ZRANB3: variants seen among roughly 807,000 people sequenced by gnomAD.
ZRANB3 encodes the protein DNA annealing helicase and endonuclease ZRANB3.
Under a neutral mutation model 133.8 loss-of-function variants are expected in ZRANB3, and 125 were observed. The ratio of observed to expected loss-of-function variants is 0.93; its 90% CI spans 0.81 to 1.08. The LOEUF (loss-of-function observed/expected upper bound fraction) is 1.08, where lower values mean the gene tolerates loss of function less well. Ranked by LOEUF, ZRANB3 falls within the 50% of genes least tolerant of loss-of-function variation. The pLI, the probability that ZRANB3 is intolerant of heterozygous loss-of-function variation, is 0.00. For missense variants in ZRANB3, 1,229 were observed against 1,275.5 expected, an observed-to-expected ratio of 0.96 and a Z score of 0.56; for synonymous variants, 387 against 432.7, an observed-to-expected ratio of 0.89 and a Z score of 1.31.
chr2:135,356,829 T>C (rs1181689578), intron 3 of ZRANB3, among the ~76,000 whole-genome samples: 1 of 151,948 alleles, frequency 6.6e-6, no homozygotes, highest in African/African-American at 2.4e-5. Flanking sequence ...CTCAGCCCCC[T>C]GGGTAGCCAG....
Position 135,197,387 on chromosome 2 carries a change from C to T in ZRANB3, c.*2955G>A, listed in dbSNP as rs537309294. The T allele has an allele frequency of 6.6e-6, 1 of 152,304 alleles. No homozygotes were observed. Among genetic ancestry groups the T allele is most frequent in the South Asian group, 2.1e-4 (1 of 4,824 alleles). The allele number at this position is 152,304 out of a possible 1,614,324, so 9.4% of individuals were successfully genotyped here. ...AAGAAACTACATTTTAAATGTTTCA[C>T]TCAAGAATCTGAAGAAGGGATTTGG... On this transcript the variant is annotated 3_prime_UTR_variant, in exon 21 of 21. Transcript: ENST00000264159.
intron 1 of ZRANB3, among the ~76,000 whole-genome samples, chr2:135,529,667 T>G (rs935654790): frequency 6.6e-6 from 1 of 151,848 alleles, no homozygotes; most frequent in African/African-American, 2.4e-5. Flanking sequence ...TGCCACCACG[T>G]CCGGCTAATG....
intron 4 of ZRANB3, 52 bp from the exon 5 acceptor site, chr2:135,350,267 ATG>A: frequency 7.4e-7 from 1 of 1,358,042 alleles, no homozygotes; most frequent in Non-Finnish European, 1.0e-6. Context: ...TGACGTTATC[ATG>A]AACAATACAA....
chr2:135,290,997 G>A (rs1681682496), intron 8 of ZRANB3, among the ~76,000 whole-genome samples: 1 of 152,066 alleles, frequency 6.6e-6, no homozygotes. Flanking sequence ...CTGCCTCCCA[G>A]AGAGGCAAGC....
chr2:135,475,830 C>A (rs2104785896), intron 2 of ZRANB3, among the ~76,000 whole-genome samples: 1 of 152,256 alleles, frequency 6.6e-6, no homozygotes, highest in East Asian at 1.9e-4. Context: ...GTAATCCCAG[C>A]ACTTTGGGAG....
At chr2:135,476,691 CTTTTT>C (rs774332012) in intron 2 of ZRANB3, among the ~76,000 whole-genome samples, 20 of 135,566 alleles carry the variant, frequency 1.5e-4, no homozygotes, top group Non-Finnish European at 3.2e-5. Context: ...ATTTCTTTTC[CTTTTT>C]TTTTTTTTTT....
chr2:135,440,731 T>C (rs905477215), intron 2 of ZRANB3, among the ~76,000 whole-genome samples: 1 of 152,228 alleles, frequency 6.6e-6, no homozygotes, highest in African/African-American at 2.4e-5. Flanking sequence ...AGCCTTGTGA[T>C]ATTCTGAGCA....
intron 12 of ZRANB3, 171 bp from the exon 13 acceptor site, chr2:135,231,098 T>C: frequency 4.3e-6 from 2 of 460,460 alleles, no homozygotes; most frequent in Admixed American, 4.0e-5. Flanking sequence ...TATAAATATA[T>C]ATATGTAAAA....
intron 3 of ZRANB3, among the ~76,000 whole-genome samples, chr2:135,366,318 A>T (rs904726566): frequency 1.3e-5 from 2 of 152,166 alleles, no homozygotes; most frequent in African/African-American, 4.8e-5. Context: ...TTTTTTTTTA[A>T]GAAAAGTACA....
chr2:135,207,661 C>T lies in ZRANB3; in HGVS notation c.2782G>A (p.Ala928Thr), dbSNP rs547914760. 1 of 1,614,012 alleles carries T rather than the reference C, an allele frequency of 6.2e-7. No homozygotes were observed. Among genetic ancestry groups the T allele is most frequent in the Admixed American group, 1.7e-5 (1 of 60,014 alleles). ...CAAAACCGTGAATCCCAAGAGTTCG[C>T]TTTACATGCTTGCTTAGTCTGGCAA... ...PTCQTKQACKANSWDSRFCSL... is the reference protein window; with the variant it reads ...PTCQTKQACKTNSWDSRFCSL... Residue 928 changes from alanine to threonine, a missense_variant, in exon 19 of 21, where the codon GCG becomes ACG. Ala to Thr is a moderately conservative substitution (Grantham distance 58). Transcript: ENST00000264159.
intron 3 of ZRANB3, among the ~76,000 whole-genome samples, chr2:135,360,490 G>A (rs1031462182): frequency 6.6e-6 from 1 of 151,740 alleles, no homozygotes; most frequent in African/African-American, 2.4e-5. Flanking sequence ...CGGATCACAA[G>A]GTCAGGAGAT....
At chr2:135,518,669 G>A (rs921993649) in intron 1 of ZRANB3, among the ~76,000 whole-genome samples, 13 of 152,164 alleles carry the variant, frequency 8.5e-5, no homozygotes, top group Non-Finnish European at 1.8e-4. Context: ...AGTTGATCTC[G>A]CTGGGAGCTG....
chr2:135,459,434 T>C lies in ZRANB3; in HGVS notation c.161+44895A>G, dbSNP rs1690669489. Among the ~76,000 whole-genome samples the C allele has an allele frequency of 2.0e-5, 3 of 152,164 alleles. No homozygotes were observed. In the South Asian group the frequency reaches 6.2e-4, roughly 31 times the overall value. On this transcript the variant is annotated intron_variant, in intron 2 of 20. Transcript: ENST00000264159. ...AAAGCACAAAGGAAGAAGCATACCA[T>C]GCCCAGAGAAGAAAGAATATTACTA...
chr2:135,416,887 G>T (rs1241362487), intron 2 of ZRANB3, among the ~76,000 whole-genome samples: 3 of 152,110 alleles, frequency 2.0e-5, no homozygotes, highest in Admixed American at 2.0e-4. Context: ...AAATGGTGCT[G>T]GGAAAACTGG....
intron 2 of ZRANB3, among the ~76,000 whole-genome samples, chr2:135,407,178 A>T (rs1039140935): frequency 5.9e-5 from 9 of 152,148 alleles, no homozygotes; most frequent in African/African-American, 1.9e-4. Flanking sequence ...TACACCAATA[A>T]CAGACAAACA....
At chr2:135,257,995 A>T (rs1356458469) in intron 12 of ZRANB3, among the ~76,000 whole-genome samples, 1 of 152,146 alleles carries the variant, frequency 6.6e-6, no homozygotes, top group African/African-American at 2.4e-5. Context: ...CTGAAGGTTA[A>T]ATAAGATCAT....
At chr2:135,383,106 G>A (rs1047762923) in intron 3 of ZRANB3, among the ~76,000 whole-genome samples, 13 of 152,070 alleles carry the variant, frequency 8.5e-5, no homozygotes, top group Non-Finnish European at 1.0e-4. Context: ...GCCCATCTCA[G>A]TGCAGAGACT....
intron 2 of ZRANB3, among the ~76,000 whole-genome samples, chr2:135,483,786 C>A (rs187998108): frequency 6.6e-6 from 1 of 152,128 alleles, no homozygotes; most frequent in Non-Finnish European, 1.5e-5. Context: ...GCTTTGAATG[C>A]GTCCCAGAGA....
At chr2:135,348,301 G>A (rs1303905767) in intron 5 of ZRANB3, among the ~76,000 whole-genome samples, 1 of 150,882 alleles carries the variant, frequency 6.6e-6, no homozygotes, top group Non-Finnish European at 1.5e-5. Context: ...AAAAATTAGA[G>A]AACTCACACT....
Sources: allele counts gnomAD v4.1 joint callset (sites outside exome capture counted in the v4.1 genomes callset), GRCh38; gene constraint gnomAD v4.1.1; transcripts MANE v1.5; gene names NCBI Gene and HGNC (gene_info 2026-07-23, HGNC 2026-07-21).